HDAC9: variants seen among roughly 807,000 people sequenced by gnomAD.
HDAC9 encodes histone deacetylase 9, also known as MEF-2 interacting transcription repressor (MITR) protein.
Under a neutral mutation model 139.4 loss-of-function variants are expected in HDAC9, and 41 were observed. That is an observed-to-expected ratio of 0.29 (90% CI 0.23 to 0.38). The LOEUF (loss-of-function observed/expected upper bound fraction) is 0.38. HDAC9 is among the 10% of genes least tolerant of loss of function. The pLI, the probability that HDAC9 is intolerant of heterozygous loss-of-function variation, is 1.00. For synonymous variants in HDAC9, 517 were observed against 476.2 expected (o/e 1.09, Z -1.12); for missense variants, 1,147 against 1,297.0 (o/e 0.88, Z 1.78).
At chr7:18,929,361 G>T (rs1053039473) in intron 22 of HDAC9, among the ~76,000 whole-genome samples, 4 of 151,520 alleles carry the variant, frequency 2.6e-5, no homozygotes, top group African/African-American at 9.7e-5. Context: ...TAAATTAATG[G>T]AACCAAACAG....
At chr7:18,289,510 A>G (rs970271750), upstream of HDAC9, among the ~76,000 whole-genome samples, 1 of 152,188 alleles carries the variant, frequency 6.6e-6, no homozygotes, top group African/African-American at 2.4e-5. Flanking sequence ...AATTTCTTTG[A>G]AGAAACATTT....
At chr7:18,991,727 T>C (rs568741745) in intron 25 of HDAC9, among the ~76,000 whole-genome samples, 2 of 152,366 alleles carry the variant, frequency 1.3e-5, no homozygotes, top group East Asian at 3.9e-4. Flanking sequence ...CTCTGTCTTT[T>C]ACTTTAGCTT....
At chr7:18,093,307 C>A (rs1421633252) in intron 1 of HDAC9, among the ~76,000 whole-genome samples, 1 of 152,094 alleles carries the variant, frequency 6.6e-6, no homozygotes, top group African/African-American at 2.4e-5. Flanking sequence ...GATTCCAGAG[C>A]CTGAAGTCTT....
At chr7:18,544,707 T>A (rs1814187318) in intron 2 of HDAC9, among the ~76,000 whole-genome samples, 1 of 152,172 alleles carries the variant, frequency 6.6e-6, no homozygotes, top group Non-Finnish European at 1.5e-5. Context: ...TGTGGACTAT[T>A]AGAAACTAAG....
At chr7:18,801,521 A>G (rs192960822) in intron 17 of HDAC9, among the ~76,000 whole-genome samples, 3 of 152,206 alleles carry the variant, frequency 2.0e-5, no homozygotes, top group Admixed American at 2.0e-4. Flanking sequence ...ATTTTTGCAT[A>G]TAAGTTAATT....
At chr7:18,608,302 G>T (rs939071636) in intron 6 of HDAC9, among the ~76,000 whole-genome samples, 1 of 151,904 alleles carries the variant, frequency 6.6e-6, no homozygotes, top group Non-Finnish European at 1.5e-5. Context: ...GAGGGGAGGG[G>T]GACTGGCTTA....
At chr7:18,721,410 G>A (rs1785133393) in intron 12 of HDAC9, among the ~76,000 whole-genome samples, 1 of 151,068 alleles carries the variant, frequency 6.6e-6, no homozygotes, top group South Asian at 2.1e-4. Context: ...ATATTCTTTT[G>A]CTTTTTTTCA....
intron 2 of HDAC9, among the ~76,000 whole-genome samples, chr7:18,505,671 A>G (rs1799571258): frequency 6.6e-6 from 1 of 152,144 alleles, no homozygotes; most frequent in African/African-American, 2.4e-5. Flanking sequence ...ATTACCTACT[A>G]ATCCAATTAT....
chr7:18,983,898 T>C (rs1785120101), intron 25 of HDAC9, among the ~76,000 whole-genome samples: 1 of 151,906 alleles, frequency 6.6e-6, no homozygotes, highest in African/African-American at 2.4e-5. Context: ...TTGGAATGTT[T>C]ATCCTGTCCT....
intron 2 of HDAC9, among the ~76,000 whole-genome samples, chr7:18,500,322 T>C (rs778543858): frequency 5.3e-5 from 8 of 152,144 alleles, no homozygotes; most frequent in Non-Finnish European, 1.2e-4. Flanking sequence ...TACTGATAAA[T>C]AATGAAGTGA....
At chr7:18,749,194 C>A (rs1788234572) in intron 14 of HDAC9, 56 bp downstream of exon 14, 2 of 1,555,472 alleles carry the variant, frequency 1.3e-6, no homozygotes, top group South Asian at 1.1e-5. Flanking sequence ...TGTAAAGAGG[C>A]CAGTATTCAT....
intron 1 of HDAC9, among the ~76,000 whole-genome samples, chr7:18,489,084 A>T (rs1362166740): frequency 2.0e-5 from 3 of 152,072 alleles, no homozygotes; most frequent in South Asian, 4.1e-4. Context: ...TGATTTACTC[A>T]AGATCAGTAG....
At chr7:18,349,527 G>T (rs1432719894) in intron 1 of HDAC9, among the ~76,000 whole-genome samples, 2 of 152,036 alleles carry the variant, frequency 1.3e-5, no homozygotes, top group Non-Finnish European at 2.9e-5. Context: ...CCACTGCCTA[G>T]CACATAGCAG....
chr7:18,688,611 T>G (rs1423673298), intron 12 of HDAC9, among the ~76,000 whole-genome samples: 1 of 151,986 alleles, frequency 6.6e-6, no homozygotes. Flanking sequence ...TCCTGTTTAC[T>G]TCTTTGTAAA....
chr7:18,450,068 A>C lies in HDAC9; in HGVS notation c.-41-46194A>C, dbSNP rs185677185. 1.3e-4 allele frequency among the ~76,000 whole-genome samples: 20 copies of C among 152,314 alleles called. No individual in the cohort carries two copies. In the East Asian group the frequency reaches 3.7e-3, roughly 28 times the overall value. ...CTACCTCTATTAAATATTTGAGTTG[A>C]GGCTGCATGGCCACTTATGGGAGAA... On this transcript the variant is annotated intron_variant, in intron 1 of 3. Transcript: ENST00000413509.
chr7:18,490,915 A>G (rs1369650645), upstream of HDAC9, among the ~76,000 whole-genome samples: 2 of 152,054 alleles, frequency 1.3e-5, no homozygotes, highest in Non-Finnish European at 2.9e-5. Context: ...CTACAATTGT[A>G]GAGCACAAAT....
intron 1 of HDAC9, among the ~76,000 whole-genome samples, chr7:18,437,255 A>G (rs578166923): frequency 3.9e-4 from 59 of 152,190 alleles, no homozygotes; most frequent in Admixed American, 7.2e-4. Context: ...TGATATATTC[A>G]AGAACACTAA....
chr7:18,732,788 T>TGTATGTGTGCGTATGTGTACACACAC, intron 13 of HDAC9, among the ~76,000 whole-genome samples: 1 of 73,154 alleles, frequency 1.4e-5, no homozygotes, highest in African/African-American at 9.4e-5. Flanking sequence ...TACACACACG[T>TGTATGTGTGCGTATGTGTACACACAC]GTGTTTGTGT....
intron 2 of HDAC9, among the ~76,000 whole-genome samples, chr7:18,184,457 A>G (rs1789748518): frequency 6.6e-6 from 1 of 152,232 alleles, no homozygotes. Flanking sequence ...AAGTCTAAAC[A>G]TGAAATTAAT....
Sources: gnomAD v4.1 joint callset for allele counts (sites outside exome capture counted in the v4.1 genomes callset) on GRCh38, gnomAD v4.1.1 for gene constraint, MANE v1.5 for transcripts, NCBI Gene and HGNC (gene_info 2026-07-23, HGNC 2026-07-21) for gene names.